Variants in ENTHD1 observed in about 807,000 individuals in gnomAD.
ENTHD1 encodes ENTH domain containing 1, also known as ENTH domain-containing protein 1.
A neutral mutation model predicts 39.1 loss-of-function variants in ENTHD1; 23 were observed. The observed-to-expected ratio is 0.59, with a 90% confidence interval of 0.42 to 0.83. ENTHD1 has a LOEUF of 0.83. ENTHD1 is among the 40% of genes least tolerant of loss of function. The pLI is 0.00. For missense variants in ENTHD1, 624 were observed against 705.4 expected, an observed-to-expected ratio of 0.88 and a Z score of 1.31; for synonymous variants, 230 against 258.2, an observed-to-expected ratio of 0.89 and a Z score of 1.05.
intron 5 of ENTHD1, among the ~76,000 whole-genome samples, chr22:39,812,412 A>C (rs916347327): frequency 1.3e-5 from 2 of 152,218 alleles, no homozygotes; most frequent in African/African-American, 2.4e-5. Context: ...TAGAAAGAGT[A>C]ACAAGGAGGC....
intron 6 of ENTHD1, among the ~76,000 whole-genome samples, chr22:39,755,364 G>C (rs2065177184): frequency 6.6e-6 from 1 of 152,050 alleles, no homozygotes; most frequent in South Asian, 2.1e-4. Flanking sequence ...CTGGTCAGAG[G>C]GAACAACCGT....
chr22:39,824,059 G>A (rs973738427), intron 4 of ENTHD1, among the ~76,000 whole-genome samples: 2 of 151,958 alleles, frequency 1.3e-5, no homozygotes, highest in African/African-American at 2.4e-5. Context: ...TGCCAGATAC[G>A]GGGTTTACAA....
chr22:39,842,760 C>G (rs2065954818), intron 3 of ENTHD1, among the ~76,000 whole-genome samples: 1 of 149,002 alleles, frequency 6.7e-6, no homozygotes, highest in African/African-American at 2.5e-5. Context: ...AACAAATTTA[C>G]AAGAAAAAAA....
intron 5 of ENTHD1, among the ~76,000 whole-genome samples, chr22:39,812,819 G>A (rs938048003): frequency 1.1e-4 from 17 of 152,110 alleles, no homozygotes; most frequent in African/African-American, 3.9e-4. Context: ...GTCTTGCTCT[G>A]TCGCCCAGGC....
chr22:39,792,421 C>T (rs374471496), intron 5 of ENTHD1, among the ~76,000 whole-genome samples: 3 of 152,136 alleles, frequency 2.0e-5, no homozygotes, highest in African/African-American at 2.4e-5. Context: ...ATTGTTACCT[C>T]GCATTTTAGT....
chr22:39,860,403 A>G (rs1000709648), intron 3 of ENTHD1, among the ~76,000 whole-genome samples: 1 of 152,202 alleles, frequency 6.6e-6, no homozygotes, highest in African/African-American at 2.4e-5. Flanking sequence ...AGAAAATTTC[A>G]GAATGAGTGG....
chr22:39,750,144 T>C (rs1601564976), intron 6 of ENTHD1: 1 of 209,530 alleles, frequency 4.8e-6, no homozygotes, highest in Non-Finnish European at 1.0e-5. Context: ...CTGGTGTTCC[T>C]ATAGATCAGG....
chr22:39,845,893 A>G (rs1283563813), intron 3 of ENTHD1, among the ~76,000 whole-genome samples: 1 of 150,066 alleles, frequency 6.7e-6, no homozygotes, highest in Non-Finnish European at 1.5e-5. Flanking sequence ...TCACTTTTAC[A>G]TGGTGTTTTT....
At chr22:39,768,479 C>T (rs1417543581) in intron 5 of ENTHD1, among the ~76,000 whole-genome samples, 1 of 152,126 alleles carries the variant, frequency 6.6e-6, no homozygotes, top group African/African-American at 2.4e-5. Flanking sequence ...TGTTTAAATC[C>T]TATTAAACCC....
chr22:39,888,012 AG>A, intron 1 of ENTHD1, 109 bp from the exon 2 acceptor site: 1 of 353,280 alleles, frequency 2.8e-6, no homozygotes, highest in Non-Finnish European at 5.1e-6. Flanking sequence ...CCTCACTTAC[AG>A]CAGCCAGAAT....
chr22:39,811,063 G>A (rs537656024), intron 5 of ENTHD1, among the ~76,000 whole-genome samples: 8 of 152,330 alleles, frequency 5.3e-5, no homozygotes, highest in Non-Finnish European at 1.2e-4. Context: ...CATGTATGTA[G>A]AAGGTGGCCA....
At chr22:39,748,270 T>G (rs2065122312) in intron 6 of ENTHD1, among the ~76,000 whole-genome samples, 1 of 151,182 alleles carries the variant, frequency 6.6e-6, no homozygotes, top group Non-Finnish European at 1.5e-5. Context: ...AAAAAAAGAT[T>G]CTAGGACTCA....
chr22:39,767,046 C>A (rs2065282683), intron 5 of ENTHD1, among the ~76,000 whole-genome samples: 1 of 152,126 alleles, frequency 6.6e-6, no homozygotes, highest in Non-Finnish European at 1.5e-5. Flanking sequence ...TTTATCTTGT[C>A]CCCTACCTGA....
chr22:39,759,481 T>C (rs2065212665), intron 6 of ENTHD1, among the ~76,000 whole-genome samples: 1 of 152,110 alleles, frequency 6.6e-6, no homozygotes, highest in Non-Finnish European at 1.5e-5. Flanking sequence ...ATTCTTAGAA[T>C]TGGTAATTTG....
At chr22:39,848,466 A>G (rs2066008793) in intron 3 of ENTHD1, among the ~76,000 whole-genome samples, 1 of 151,940 alleles carries the variant, frequency 6.6e-6, no homozygotes, top group South Asian at 2.1e-4. Flanking sequence ...GTTGGCCAGG[A>G]TGGTCTCAAT....
intron 5 of ENTHD1, among the ~76,000 whole-genome samples, chr22:39,765,910 G>A (rs1277553329): frequency 8.7e-5 from 13 of 148,870 alleles, no homozygotes; most frequent in East Asian, 2.0e-4. Context: ...CTTATCTGTC[G>A]CTGAAACCAC....
chr22:39,743,814 A>G lies in ENTHD1; in HGVS notation c.1689T>C (p.His563=), dbSNP rs528522390. ...REVKRAIARL[H]EDLSTVIQEL... ...CTTGGATCACTGTGCTCAGATCTTC[A>G]TGTAATCTAGCGATCGCACGTTTTA... The change falls in exon 7 of 7, where the codon CAT becomes CAC. Residue 563 remains histidine, a synonymous_variant. Transcript: ENST00000325157. The G allele has an allele frequency of 6.8e-6, 11 of 1,614,160 alleles. No individual in the cohort carries two copies. The highest frequency in any genetic ancestry group is 9.3e-6 in the Non-Finnish European group (11 of 1,180,006).
chr22:39,883,357 T>C (rs1247579675), intron 2 of ENTHD1, among the ~76,000 whole-genome samples: 6 of 152,158 alleles, frequency 3.9e-5, no homozygotes, highest in African/African-American at 1.2e-4. Context: ...AACACATTCA[T>C]GTATACCTTA....
At chr22:39,874,568 A>C (rs2066271187) in intron 2 of ENTHD1, 1 of 152,214 alleles carries the variant, frequency 6.6e-6, no homozygotes, top group Admixed American at 6.5e-5. Flanking sequence ...GGAAAAGACA[A>C]GCTACAGAAT....
Sources: allele counts gnomAD v4.1 joint callset (sites outside exome capture counted in the v4.1 genomes callset), GRCh38; gene constraint gnomAD v4.1.1; transcripts MANE v1.5; gene names NCBI Gene and HGNC (gene_info 2026-07-23, HGNC 2026-07-21).